ENPP6: variants seen among roughly 807,000 people sequenced by gnomAD.
ENPP6 encodes the protein glycerophosphocholine cholinephosphodiesterase ENPP6.
A neutral mutation model predicts 42.0 loss-of-function variants in ENPP6; 32 were observed. That is an observed-to-expected ratio of 0.76 (90% confidence interval 0.58 to 1.02). The LOEUF (loss-of-function observed/expected upper bound fraction) is 1.02. Ranked by LOEUF, ENPP6 falls within the 50% of genes least tolerant of loss-of-function variation. The pLI is 0.00. For synonymous variants in ENPP6, 213 were observed against 216.0 expected (o/e 0.99, Z 0.12); for missense variants, 552 against 566.8 (o/e 0.97, Z 0.27).
At chr4:184,117,118 G>T in intron 4 of ENPP6, 83 bp from the exon 5 acceptor site, 6 of 1,517,146 alleles carry the variant, frequency 4.0e-6, no homozygotes, top group Non-Finnish European at 5.4e-6. Context: ...ACAAATGATA[G>T]GAGAAAGGCT....
chr4:184,196,032 T>G (rs1732790083), intron 1 of ENPP6, among the ~76,000 whole-genome samples: 1 of 152,202 alleles, frequency 6.6e-6, no homozygotes, highest in Non-Finnish European at 1.5e-5. Flanking sequence ...TTGAGTGGCC[T>G]CCCTTGGCCC....
chr4:184,101,898 C>A (rs571673372), intron 6 of ENPP6, among the ~76,000 whole-genome samples: 1 of 152,324 alleles, frequency 6.6e-6, no homozygotes, highest in African/African-American at 2.4e-5. Context: ...TCGCCCCACA[C>A]CAGGACGCGC....
At chr4:184,096,291 A>G (rs1000493718) in intron 7 of ENPP6, among the ~76,000 whole-genome samples, 2 of 152,212 alleles carry the variant, frequency 1.3e-5, no homozygotes, top group Non-Finnish European at 2.9e-5. Flanking sequence ...TGTAGATGTG[A>G]TGTGTAACCT....
intron 1 of ENPP6, among the ~76,000 whole-genome samples, chr4:184,174,206 C>T (rs955773307): frequency 3.3e-5 from 5 of 149,954 alleles, no homozygotes; most frequent in Non-Finnish European, 7.4e-5. Flanking sequence ...GGTGCGATCT[C>T]GGCTCACTGC....
chr4:184,099,314 C>T (rs1164104658), intron 6 of ENPP6, among the ~76,000 whole-genome samples: 1 of 152,234 alleles, frequency 6.6e-6, no homozygotes, highest in Non-Finnish European at 1.5e-5. Flanking sequence ...GATTTTGGAA[C>T]TGGGTTGGTG....
At chr4:184,159,965 C>T (rs540547954) in intron 1 of ENPP6, among the ~76,000 whole-genome samples, 53 of 152,332 alleles carry the variant, frequency 3.5e-4, no homozygotes, top group African/African-American at 1.2e-3. Context: ...ATCCAAGTTG[C>T]TGCTAAAGAC....
At chr4:184,146,161 A>G (rs1003748352) in intron 2 of ENPP6, among the ~76,000 whole-genome samples, 3 of 152,002 alleles carry the variant, frequency 2.0e-5, no homozygotes, top group Admixed American at 2.0e-4. Context: ...GGCCAGGCGC[A>G]GTGGCTCACG....
chr4:184,118,037 A>G (rs1736354743), intron 3 of ENPP6, 137 bp from the exon 4 acceptor site: 15 of 1,106,412 alleles, frequency 1.4e-5, no homozygotes, highest in Admixed American at 2.8e-5. Context: ...CAATACCCTA[A>G]AATAAATGAG....
Position 184,135,371 on chromosome 4 carries a change from G to A in ENPP6, c.422-11099C>T, listed in dbSNP as rs546849243. The stretch of plus-strand genomic sequence containing the variant: ...TTTGACTTATTTATGTTGAGAGTGT[G>A]TAATTAGGAACATTACAATTTAGAA... On this transcript the variant is annotated intron_variant, in intron 2 of 7. Transcript: ENST00000296741. 3.3e-5 allele frequency among the ~76,000 whole-genome samples: 5 copies of A among 152,204 alleles called. No individual in the cohort carries two copies. The South Asian group carries it at 8.3e-4, about 25-fold the overall frequency.
chr4:184,176,595 C>T (rs546840937), intron 1 of ENPP6, among the ~76,000 whole-genome samples: 3 of 152,250 alleles, frequency 2.0e-5, no homozygotes, highest in Admixed American at 6.5e-5. Context: ...TGCTAAGGAT[C>T]GAGTCCTAAA....
At position 184,116,907 on chromosome 4, in the gene ENPP6, C is replaced by A; in HGVS notation, c.804G>T (p.Lys268Asn). Reference sequence around the variant, plus strand: ...AAAGGCTCACAACAGGCCCGCGGTCCTTCACTTGCTGCAGGTCATTCAGGC... The same window carrying A: ...AAAGGCTCACAACAGGCCCGCGGTCATTCACTTGCTGCAGGTCATTCAGGC... ...YISLNDLQQV[K>N]DRGPVVSLWP... The change falls in exon 5 of 8, where the codon AAG (lysine) becomes AAT (asparagine). Residue 268 changes from lysine to asparagine, a missense_variant. By Grantham distance (94) the Lys-to-Asn change is moderately conservative (BLOSUM62 0). Coordinates refer to ENST00000296741, the MANE Select transcript of ENPP6 (RefSeq NM_153343.4). The A allele has an allele frequency of 6.2e-7, 1 of 1,614,190 alleles. No homozygotes were observed. The highest frequency in any genetic ancestry group is 8.5e-7 in the Non-Finnish European group (1 of 1,180,038).
At chr4:184,201,737 A>T (rs1003011868) in intron 1 of ENPP6, among the ~76,000 whole-genome samples, 3 of 149,444 alleles carry the variant, frequency 2.0e-5, no homozygotes, top group East Asian at 3.9e-4. Flanking sequence ...CTTAGAACAC[A>T]TTTTTTTTTT....
chr4:184,117,018 G>C lies in ENPP6; in HGVS notation c.693C>G (p.Asp231Glu). ...CCGAGAAAATAATGACGTTCAGGCG[G>C]TCCTGCAGGCCCCGCTCCTGTGGGG... ...TKWIQERGLQ[D>E]RLNVIIFSDH... Residue 231 changes from aspartate to glutamate, a missense_variant, in exon 5 of 8, where the codon GAC (aspartate) becomes GAG (glutamate). This residue lies in a region of ENPP6 where 545 missense variants were observed against 546.3 expected (regional missense o/e 1.00). Coordinates refer to ENST00000296741, the MANE Select transcript of ENPP6 (RefSeq NM_153343.4). The C allele has an allele frequency of 6.2e-7, 1 of 1,614,218 alleles. No individual in the cohort carries two copies. Among genetic ancestry groups the C allele is most frequent in the East Asian group, 2.2e-5 (1 of 44,886 alleles).
intron 3 of ENPP6, among the ~76,000 whole-genome samples, chr4:184,119,456 G>A (rs1736379544): frequency 1.3e-5 from 2 of 151,958 alleles, no homozygotes; most frequent in African/African-American, 4.8e-5. Context: ...CTCATACCCA[G>A]ATGTGCTGAG....
At position 184,097,333 on chromosome 4, in the gene ENPP6, G is replaced by C. The variant is rs1311985637; in HGVS notation, c.1029C>G (p.Thr343=). 1.9e-6 allele frequency: 3 copies of C among 1,614,022 alleles called. No homozygotes were observed. The highest frequency in any genetic ancestry group is 2.5e-6 in the Non-Finnish European group (3 of 1,180,030). The change falls in exon 7 of 8, where the codon ACC becomes ACG. Residue 343 remains threonine, a synonymous_variant. Coordinates refer to ENST00000296741, the MANE Select transcript of ENPP6 (RefSeq NM_153343.4). ...CACGCTGCCAACCTTCCCGCCTGCC[G>C]GTGCTGTTCATCCAAAACGGAAGCA... ...REMLPFWMNS[T]GRREGWQRGW...
At chr4:184,131,166 TTTCTTTC>T (rs1736608642) in intron 2 of ENPP6, among the ~76,000 whole-genome samples, 1 of 56,126 alleles carries the variant, frequency 1.8e-5, no homozygotes, top group Non-Finnish European at 3.7e-5. Flanking sequence ...TCTTTCTTTC[TTTCTTTC>T]TTTCTTTCTT....
chr4:184,178,294 A>G (rs1046474491), intron 1 of ENPP6, among the ~76,000 whole-genome samples: 3 of 152,162 alleles, frequency 2.0e-5, no homozygotes, highest in Admixed American at 1.3e-4. Flanking sequence ...TATCTTGCTG[A>G]AATAAGACAG....
Position 184,195,319 on chromosome 4 carries a change from C to T in ENPP6, c.241+22260G>A, listed in dbSNP as rs540381690. On this transcript the variant is annotated intron_variant, in intron 1 of 7. Coordinates refer to ENST00000296741, the MANE Select transcript of ENPP6 (RefSeq NM_153343.4). ...CGATAGGCCCCAGTGTGTGTTGTTT[C>T]CCTCTATGTGTCCATGTGTTCTCAT... 2.3e-4 allele frequency among the ~76,000 whole-genome samples: 35 copies of T among 152,226 alleles called. 1 individual carries two copies. The South Asian group carries it at 6.9e-3, about 30-fold the overall frequency.
chr4:184,203,365 T>G (rs1732936018), intron 1 of ENPP6, among the ~76,000 whole-genome samples: 1 of 152,230 alleles, frequency 6.6e-6, no homozygotes, highest in South Asian at 2.1e-4. Context: ...CGTAACTTTC[T>G]CCACTGGACC....
Sources: allele counts gnomAD v4.1 joint callset (sites outside exome capture counted in the v4.1 genomes callset), GRCh38; gene constraint gnomAD v4.1.1; regional missense constraint gnomAD v4.1.1; transcripts MANE v1.5; gene names NCBI Gene and HGNC (gene_info 2026-07-23, HGNC 2026-07-21).